The following RBM20 variants were observed in gnomAD, a reference collection of about 807,000 sequenced individuals.
RBM20 encodes the protein RNA-binding protein 20.
RBM20 carries 51 observed loss-of-function variants against 110.1 expected under a neutral mutation model. The ratio of observed to expected loss-of-function variants is 0.46; its 90% CI spans 0.37 to 0.59. The LOEUF (loss-of-function observed/expected upper bound fraction) is 0.59, where lower values mean the gene tolerates loss of function less well. Ranked by LOEUF, RBM20 falls within the 20% of genes least tolerant of loss-of-function variation. The pLI, the probability that RBM20 is intolerant of heterozygous loss-of-function variation, is 0.00. For missense variants in RBM20, 1,512 were observed against 1,574.9 expected, an observed-to-expected ratio of 0.96 and a Z score of 0.68; for synonymous variants, 589 against 618.2, an observed-to-expected ratio of 0.95 and a Z score of 0.70.
At chr10:110,783,317 C>T in intron 2 of RBM20, 49 bp from the exon 3 acceptor site, 4 of 1,442,170 alleles carry the variant, frequency 2.8e-6, no homozygotes, top group Non-Finnish European at 3.8e-6. Flanking sequence ...CCTTTGCCTT[C>T]CCATGGACTC....
Position 110,821,423 on chromosome 10 carries a change from T to C in RBM20, c.2804T>C (p.Ile935Thr). The change falls in exon 11 of 14, where the codon ATT becomes ACT. Residue 935 changes from isoleucine (I) to threonine (T), a missense_variant. Coordinates refer to ENST00000369519, the MANE Select transcript of RBM20 (RefSeq NM_001134363.3). ...DIPELEEIVP[I>T]DQKDKICPET... ...CCAGAGCTGGAAGAAATTGTGCCCATTGACCAGAAAGACAAAATTTGCCCA... is the reference window on the plus strand; with the variant it reads ...CCAGAGCTGGAAGAAATTGTGCCCACTGACCAGAAAGACAAAATTTGCCCA... The C allele has an allele frequency of 6.4e-7, 1 of 1,551,772 alleles. No individual in the cohort carries two copies. Among genetic ancestry groups the C allele is most frequent in the South Asian group, 1.2e-5 (1 of 84,062 alleles).
intron 1 of RBM20, among the ~76,000 whole-genome samples, chr10:110,712,945 C>T (rs559640688): frequency 3.3e-4 from 51 of 152,322 alleles, no homozygotes; most frequent in Non-Finnish European, 6.3e-4. Context: ...AAATGGTTGC[C>T]GTCATCCTGG....
intron 1 of RBM20, among the ~76,000 whole-genome samples, chr10:110,662,012 G>GAAAAAAAAAAAA (rs991849689): frequency 6.9e-6 from 1 of 145,186 alleles, no homozygotes; most frequent in Non-Finnish European, 1.5e-5. Context: ...CTGGTCTCAG[G>GAAAAAAAAAAAA]AAAAAAAAAA....
At chr10:110,789,342 C>T (rs1354396751) in intron 5 of RBM20, among the ~76,000 whole-genome samples, 1 of 152,168 alleles carries the variant, frequency 6.6e-6, no homozygotes, top group Admixed American at 6.5e-5. Context: ...GACTTGGCTG[C>T]ATTTAAACTT....
At chr10:110,745,352 C>T (rs1054736442) in intron 1 of RBM20, among the ~76,000 whole-genome samples, 15 of 152,152 alleles carry the variant, frequency 9.9e-5, no homozygotes, top group African/African-American at 3.6e-4. Context: ...GTGCAAGCCT[C>T]TGGGGTGAGA....
At chr10:110,761,096 TCA>T (rs1564837477) in intron 1 of RBM20, 1 of 60,018 alleles carries the variant, frequency 1.7e-5, no homozygotes. Context: ...AGACTCCATC[TCA>T]AAAAAAAAAA....
intron 1 of RBM20, among the ~76,000 whole-genome samples, chr10:110,730,187 G>A (rs1241390725): frequency 6.6e-6 from 1 of 152,114 alleles, no homozygotes; most frequent in African/African-American, 2.4e-5. Flanking sequence ...ATGCTTCCTG[G>A]GAGAAGCAGA....
At chr10:110,660,493 C>T (rs780884895) in intron 1 of RBM20, among the ~76,000 whole-genome samples, 9 of 152,124 alleles carry the variant, frequency 5.9e-5, no homozygotes, top group East Asian at 1.9e-4. Flanking sequence ...GAGCGGTGGG[C>T]GAGCAAGCGA....
At chr10:110,726,965 G>C (rs879868333) in intron 1 of RBM20, among the ~76,000 whole-genome samples, 21 of 152,040 alleles carry the variant, frequency 1.4e-4, no homozygotes, top group Admixed American at 3.3e-4. Flanking sequence ...TCCTGCCTCA[G>C]CCTCCGGAGT....
intron 7 of RBM20, among the ~76,000 whole-genome samples, chr10:110,808,903 A>G (rs1438027390): frequency 2.0e-5 from 3 of 152,086 alleles, no homozygotes; most frequent in Non-Finnish European, 2.9e-5. Flanking sequence ...GATGCTTTTT[A>G]ACATTTGTAT....
In RBM20 at chr10:110,820,209, A is replaced by G. The variant is rs560823172; in HGVS notation, c.2655+33A>G. The stretch of plus-strand genomic sequence containing the variant: ...TTGTTTCAGATTCTGCACTTCTGCC[A>G]TGAGGGACTGAGTCACAGGAGTCCC... On this transcript the variant is annotated intron_variant, in intron 10 of 13. Transcript: ENST00000369519. 109 of 1,448,142 alleles carry G rather than the reference A, an allele frequency of 7.5e-5. No homozygotes were observed. In the South Asian group the frequency reaches 1.1e-3, roughly 15 times the overall value. 89.7% of individuals were successfully genotyped at this position (1,448,142 alleles called of 1,614,324 possible). A position where few individuals can be genotyped will look rare whatever the true frequency, so the allele number is the denominator to read the frequency against.
chr10:110,766,701 A>G (rs1351014974), intron 1 of RBM20, among the ~76,000 whole-genome samples: 1 of 151,206 alleles, frequency 6.6e-6, no homozygotes. Context: ...ACAGAACAAA[A>G]TGAAAAGTCT....
chr10:110,811,173 G>A (rs1195355554), intron 8 of RBM20, among the ~76,000 whole-genome samples: 1 of 152,164 alleles, frequency 6.6e-6, no homozygotes, highest in Non-Finnish European at 1.5e-5. Context: ...AGTCGGTGCT[G>A]TCACTTCCCT....
intron 1 of RBM20, among the ~76,000 whole-genome samples, chr10:110,662,118 G>T (rs1862113739): frequency 6.6e-6 from 1 of 152,242 alleles, no homozygotes; most frequent in South Asian, 2.1e-4. Context: ...TGTTGGTGTG[G>T]ATAGGAGCCA....
chr10:110,661,862 T>C (rs1363187576), intron 1 of RBM20, among the ~76,000 whole-genome samples: 1 of 151,866 alleles, frequency 6.6e-6, no homozygotes. Flanking sequence ...ATACAAAAAA[T>C]TAGCCAGGCA....
At chr10:110,647,751 C>T (rs972452652) in intron 1 of RBM20, among the ~76,000 whole-genome samples, 1 of 152,128 alleles carries the variant, frequency 6.6e-6, no homozygotes, top group Non-Finnish European at 1.5e-5. Flanking sequence ...TTGTTTTAAT[C>T]GTGAGCTTTA....
intron 1 of RBM20, among the ~76,000 whole-genome samples, chr10:110,754,061 C>T (rs1241393348): frequency 6.6e-6 from 1 of 152,220 alleles, no homozygotes; most frequent in African/African-American, 2.4e-5. Flanking sequence ...TATGAGGTAA[C>T]ACTCACAGCT....
intron 1 of RBM20, among the ~76,000 whole-genome samples, chr10:110,670,008 T>A (rs1862235321): frequency 6.6e-6 from 1 of 152,264 alleles, no homozygotes; most frequent in Admixed American, 6.5e-5. Context: ...GCTTTGGTTT[T>A]AACCATGACC....
intron 1 of RBM20, among the ~76,000 whole-genome samples, chr10:110,669,680 C>T (rs11195261): frequency 0.3 from 45,227 of 152,148 alleles, 8,292 homozygotes; most frequent in East Asian, 0.65. Context: ...CTTTGGCCTC[C>T]CAAAGTGTTG....
Sources: gnomAD v4.1 joint callset for allele counts (sites outside exome capture counted in the v4.1 genomes callset) on GRCh38, gnomAD v4.1.1 for gene constraint, MANE v1.5 for transcripts, NCBI Gene and HGNC (gene_info 2026-07-23, HGNC 2026-07-21) for gene names.